The following MYO5B variants were observed in gnomAD, a reference collection of about 807,000 sequenced individuals.
MYO5B encodes the protein myosin VB.
Under a neutral mutation model 229.3 loss-of-function variants are expected in MYO5B, and 143 were observed. That is an observed-to-expected ratio of 0.62 (90% CI 0.54 to 0.72). The LOEUF is 0.72. Among genes scored for constraint, MYO5B ranks in the 30% least tolerant of loss-of-function variants. The pLI, the probability that MYO5B is intolerant of heterozygous loss-of-function variation, is 0.00. For missense variants in MYO5B, 2,321 were observed against 2,331.0 expected (o/e 1.00, Z 0.09); for synonymous variants, 918 against 885.2 (o/e 1.04, Z -0.66).
chr18:49,951,768 A>C (rs2025433339), intron 14 of MYO5B, among the ~76,000 whole-genome samples: 1 of 152,174 alleles, frequency 6.6e-6, no homozygotes, highest in African/African-American at 2.4e-5. Flanking sequence ...CTGGCCCTAT[A>C]AGTTGTCACA....
chr18:50,077,218 T>G (rs2031104321), intron 1 of MYO5B, among the ~76,000 whole-genome samples: 1 of 149,072 alleles, frequency 6.7e-6, no homozygotes, highest in Non-Finnish European at 1.5e-5. Flanking sequence ...GTGACTTGAA[T>G]TCTTATTGTC....
intron 12 of MYO5B, among the ~76,000 whole-genome samples, chr18:49,961,346 A>T (rs2025556844): frequency 1.3e-5 from 2 of 148,660 alleles, no homozygotes; most frequent in African/African-American, 4.9e-5. Context: ...CAGGAGGTTA[A>T]AAAAAAATAT....
chr18:49,866,286 G>T (rs2024395574), intron 27 of MYO5B, among the ~76,000 whole-genome samples: 1 of 151,644 alleles, frequency 6.6e-6, no homozygotes, highest in Non-Finnish European at 1.5e-5. Flanking sequence ...AGTCAGGATG[G>T]TCTCGATCTC....
At chr18:50,097,638 A>T (rs1292164698) in intron 1 of MYO5B, 3 of 196,272 alleles carry the variant, frequency 1.5e-5, no homozygotes. Flanking sequence ...GGCAATAAGC[A>T]TGATGGGTAT....
chr18:49,882,798 A>G (rs2024602957), intron 22 of MYO5B, among the ~76,000 whole-genome samples: 4 of 151,952 alleles, frequency 2.6e-5, no homozygotes, highest in African/African-American at 9.7e-5. Context: ...ACACTTTAAA[A>G]CCACTCCACC....
At chr18:49,990,625 C>G (rs986141124) in intron 6 of MYO5B, 105 bp from the exon 7 acceptor site, 4 of 889,486 alleles carry the variant, frequency 4.5e-6, no homozygotes, top group Admixed American at 1.9e-5. Context: ...CTGAGCCCCC[C>G]ACTCTTCCCA....
At chr18:50,190,045 A>ATTTGAAGGCACTGG (rs1297316876) in intron 1 of MYO5B, among the ~76,000 whole-genome samples, 2 of 152,196 alleles carry the variant, frequency 1.3e-5, no homozygotes, top group Admixed American at 6.5e-5. Flanking sequence ...AAAAAAGGTT[A>ATTTGAAGGCACTGG]TTTGAAGGCA....
At chr18:50,133,699 AG>A (rs1210831885) in intron 1 of MYO5B, among the ~76,000 whole-genome samples, 5 of 152,136 alleles carry the variant, frequency 3.3e-5, no homozygotes, top group South Asian at 4.1e-4. Flanking sequence ...AGTGGCTGTC[AG>A]ACTCTGATCT....
intron 31 of MYO5B, chr18:49,850,648 C>T (rs776511083): frequency 3.3e-5 from 5 of 152,140 alleles, no homozygotes; most frequent in Non-Finnish European, 4.4e-5. Flanking sequence ...AGAAAGGACC[C>T]AGGTGTCTAG....
intron 1 of MYO5B, among the ~76,000 whole-genome samples, chr18:50,181,391 T>C (rs1310681618): frequency 6.6e-6 from 1 of 152,232 alleles, no homozygotes; most frequent in Non-Finnish European, 1.5e-5. Context: ...TGATGATGGC[T>C]AGTAAGAGGC....
intron 1 of MYO5B, among the ~76,000 whole-genome samples, chr18:50,075,458 C>T (rs2031057170): frequency 6.6e-6 from 1 of 152,210 alleles, no homozygotes; most frequent in African/African-American, 2.4e-5. Flanking sequence ...TATTTCCTAA[C>T]CTTTGTCATC....
At chr18:49,856,994 G>T in intron 29 of MYO5B, 104 bp from the exon 30 acceptor site, 1 of 962,168 alleles carries the variant, frequency 1.0e-6, no homozygotes, top group Non-Finnish European at 1.6e-6. Context: ...GTTTGGAAAC[G>T]AAAAAAAGGC....
intron 1 of MYO5B, among the ~76,000 whole-genome samples, chr18:50,180,341 T>C (rs2033055275): frequency 6.6e-6 from 1 of 152,142 alleles, no homozygotes; most frequent in African/African-American, 2.4e-5. Context: ...CCTCATTTCA[T>C]CAACAAGCCT....
intron 1 of MYO5B, among the ~76,000 whole-genome samples, chr18:50,086,805 A>C (rs1297090893): frequency 6.6e-6 from 1 of 152,190 alleles, no homozygotes; most frequent in Non-Finnish European, 1.5e-5. Flanking sequence ...GGGTGATGCC[A>C]GTAGAGGAGA....
chr18:50,044,660 T>C (rs536818311), intron 2 of MYO5B, among the ~76,000 whole-genome samples: 1 of 152,108 alleles, frequency 6.6e-6, no homozygotes, highest in Non-Finnish European at 1.5e-5. Context: ...CCGAGCCCCA[T>C]GTGGCTATTT....
intron 39 of MYO5B, among the ~76,000 whole-genome samples, chr18:49,827,318 A>G (rs1487946084): frequency 3.3e-5 from 5 of 152,324 alleles, no homozygotes; most frequent in Admixed American, 6.5e-5. Flanking sequence ...TGGAGTAGCT[A>G]GCTGGCCAGG....
At chr18:50,070,818 G>C (rs1245239105) in intron 1 of MYO5B, among the ~76,000 whole-genome samples, 1 of 146,202 alleles carries the variant, frequency 6.8e-6, no homozygotes, top group Non-Finnish European at 1.5e-5. Flanking sequence ...CCCCCTGCCT[G>C]CATACCATCT....
chr18:49,953,770 A>G (rs1375937712), intron 13 of MYO5B, among the ~76,000 whole-genome samples: 3 of 152,172 alleles, frequency 2.0e-5, no homozygotes, highest in African/African-American at 7.2e-5. Flanking sequence ...AGCCCCCTGA[A>G]GAGCAGCTAC....
intron 31 of MYO5B, among the ~76,000 whole-genome samples, chr18:49,851,565 G>A (rs2024201192): frequency 6.6e-6 from 1 of 152,194 alleles, no homozygotes; most frequent in Admixed American, 6.5e-5. Context: ...AAAGCTTACA[G>A]AATAATGAAT....
Sources: gnomAD v4.1 joint callset for allele counts (sites outside exome capture counted in the v4.1 genomes callset) on GRCh38, gnomAD v4.1.1 for gene constraint, MANE v1.5 for transcripts, NCBI Gene and HGNC (gene_info 2026-07-23, HGNC 2026-07-21) for gene names.